RNF150: variants seen among roughly 807,000 people sequenced by gnomAD.
RNF150 encodes ring finger protein 150.
Under a neutral mutation model 39.3 loss-of-function variants are expected in RNF150, and 24 were observed. The ratio of observed to expected loss-of-function variants is 0.61; its 90% CI spans 0.44 to 0.86. RNF150 has a LOEUF of 0.86. Among genes scored for constraint, RNF150 ranks in the 40% least tolerant of loss-of-function variants. The pLI is 0.00. For synonymous variants in RNF150, 255 were observed against 227.3 expected (o/e 1.12, Z -1.10); for missense variants, 502 against 587.8 (o/e 0.85, Z 1.51).
Position 141,120,549 on chromosome 4 carries a change from T to C in RNF150, c.484+11776A>G, listed in dbSNP as rs146126385. On this transcript the variant is annotated intron_variant, in intron 1 of 6. Coordinates refer to ENST00000515673, the MANE Select transcript of RNF150 (RefSeq NM_020724.2). ...ATGAGTTGGTTAAATATGAGAGAAA[T>C]AGATGAATGGCTACTAGACTTTCTT... is the stretch of plus-strand genomic sequence containing the variant. Among the ~76,000 whole-genome samples, 21 of 152,134 alleles carry C rather than the reference T, an allele frequency of 1.4e-4. No homozygotes were observed. In the East Asian group the frequency reaches 4.0e-3, roughly 29 times the overall value.
intron 1 of RNF150, among the ~76,000 whole-genome samples, chr4:141,032,848 G>A (rs544978684): frequency 7.1e-4 from 108 of 152,098 alleles, no homozygotes; most frequent in Non-Finnish European, 1.2e-3. Flanking sequence ...ATAACATAAT[G>A]TCTAAAAAAG....
chr4:141,145,920 A>T (rs1463706286), intron 1 of RNF150, among the ~76,000 whole-genome samples: 1 of 152,194 alleles, frequency 6.6e-6, no homozygotes, highest in African/African-American at 2.4e-5. Flanking sequence ...CAGGACAGAT[A>T]TAGCATCAAA....
chr4:141,194,555 T>C (rs1728166863), intron 1 of RNF150, among the ~76,000 whole-genome samples: 1 of 152,138 alleles, frequency 6.6e-6, no homozygotes, highest in Non-Finnish European at 1.5e-5. Flanking sequence ...TTGAAAAAAA[T>C]ACATGCTAGC....
intron 1 of RNF150, among the ~76,000 whole-genome samples, chr4:141,056,753 C>T (rs946047750): frequency 7.2e-5 from 11 of 152,114 alleles, no homozygotes; most frequent in Admixed American, 3.3e-4. Flanking sequence ...TTCCCCTTCC[C>T]ATCTGGGAGC....
At chr4:141,179,013 C>T (rs983927791) in intron 1 of RNF150, among the ~76,000 whole-genome samples, 1 of 152,068 alleles carries the variant, frequency 6.6e-6, no homozygotes, top group African/African-American at 2.4e-5. Context: ...ACATTTTTCT[C>T]TCTTAGGACC....
rs556664100 is a variant in RNF150 at position 140,920,276 on chromosome 4, G to A, written c.987+5701C>T. ...ACCTACAAAATGGGAGAAAATTTTC[G>A]CAACCTACTCATCTGACAAAGGGCT... On this transcript the variant is annotated intron_variant, in intron 5 of 6. Transcript: ENST00000515673. 5.5e-5 allele frequency among the ~76,000 whole-genome samples: 8 copies of A among 145,454 alleles called. 1 individual carries two copies. Among genetic ancestry groups the A allele is most frequent in the South Asian group, 2.4e-4 (1 of 4,216 alleles).
intron 1 of RNF150, among the ~76,000 whole-genome samples, chr4:141,062,165 G>T (rs748512989): frequency 6.6e-6 from 1 of 152,024 alleles, no homozygotes; most frequent in Non-Finnish European, 1.5e-5. Context: ...TTATGCTCAG[G>T]TAACATAAGA....
At chr4:141,022,225 A>AT (rs1403301934) in intron 1 of RNF150, among the ~76,000 whole-genome samples, 70 of 151,090 alleles carry the variant, frequency 4.6e-4, no homozygotes, top group East Asian at 7.7e-4. Context: ...TTTATTTTTT[A>AT]TTCTTTTTTC....
chr4:140,941,016 C>T (rs1446489666), intron 4 of RNF150, among the ~76,000 whole-genome samples: 1 of 151,966 alleles, frequency 6.6e-6, no homozygotes, highest in East Asian at 1.9e-4. Context: ...TTCAAAAAAA[C>T]TTAAAGTGAC....
chr4:141,062,943 T>A (rs1413436494), intron 1 of RNF150, among the ~76,000 whole-genome samples: 1 of 152,170 alleles, frequency 6.6e-6, no homozygotes, highest in Non-Finnish European at 1.5e-5. Context: ...CGGTTTTCTG[T>A]TCCTGTGTAA....
At chr4:141,187,294 G>C (rs1171340344) in intron 1 of RNF150, among the ~76,000 whole-genome samples, 1 of 152,206 alleles carries the variant, frequency 6.6e-6, no homozygotes, top group African/African-American at 2.4e-5. Context: ...TTTAGAATAA[G>C]TGTGGTGTGG....
chr4:140,874,167 T>A (rs867508886), intron 6 of RNF150, among the ~76,000 whole-genome samples: 1 of 152,190 alleles, frequency 6.6e-6, no homozygotes, highest in Non-Finnish European at 1.5e-5. Flanking sequence ...CTTAAATACA[T>A]AAAATGTTAC....
At chr4:140,924,151 A>T (rs566262546) in intron 5 of RNF150, among the ~76,000 whole-genome samples, 6 of 152,292 alleles carry the variant, frequency 3.9e-5, no homozygotes, top group Admixed American at 2.0e-4. Flanking sequence ...AATCCAAAAG[A>T]TGCTACTGAT....
At chr4:141,118,414 G>A (rs774831881) in intron 1 of RNF150, among the ~76,000 whole-genome samples, 2 of 152,176 alleles carry the variant, frequency 1.3e-5, no homozygotes, top group African/African-American at 4.8e-5. Context: ...ACTACATGGT[G>A]TTGAGATGGT....
At chr4:140,972,040 A>T (rs959624426) in intron 1 of RNF150, among the ~76,000 whole-genome samples, 3 of 151,698 alleles carry the variant, frequency 2.0e-5, no homozygotes, top group African/African-American at 4.9e-5. Flanking sequence ...AAAAAAAAAA[A>T]TTTATATTGT....
At chr4:140,928,346 G>A (rs1277858304) in intron 4 of RNF150, among the ~76,000 whole-genome samples, 1 of 151,958 alleles carries the variant, frequency 6.6e-6, no homozygotes, top group African/African-American at 2.4e-5. Flanking sequence ...TGAAACCTAA[G>A]GGGTACATGG....
intron 1 of RNF150, among the ~76,000 whole-genome samples, chr4:141,154,895 C>A (rs573943476): frequency 6.6e-6 from 1 of 152,232 alleles, no homozygotes; most frequent in East Asian, 1.9e-4. Flanking sequence ...TAATTACCTT[C>A]ATGCCTGACT....
intron 2 of RNF150, among the ~76,000 whole-genome samples, chr4:140,966,727 T>G (rs898880182): frequency 6.6e-6 from 1 of 152,156 alleles, no homozygotes; most frequent in Non-Finnish European, 1.5e-5. Context: ...TCATATATAG[T>G]TTGTTAAAGT....
intron 1 of RNF150, among the ~76,000 whole-genome samples, chr4:141,104,054 G>A (rs1739112778): frequency 6.6e-6 from 1 of 152,156 alleles, no homozygotes; most frequent in Admixed American, 6.5e-5. Context: ...GTTCTAATCG[G>A]GGATTGTAAA....
Sources: allele counts gnomAD v4.1 joint callset (sites outside exome capture counted in the v4.1 genomes callset), GRCh38; gene constraint gnomAD v4.1.1; transcripts MANE v1.5; gene names NCBI Gene and HGNC (gene_info 2026-07-23, HGNC 2026-07-21).